PLXNA2: variants seen among roughly 807,000 people sequenced by gnomAD.
The protein encoded by PLXNA2 is plexin A2.
A neutral mutation model predicts 193.5 loss-of-function variants in PLXNA2; 91 were observed. That is an observed-to-expected ratio of 0.47 (90% CI 0.40 to 0.56). The LOEUF is 0.56. PLXNA2 is among the 20% of genes least tolerant of loss of function. The pLI, the probability that PLXNA2 is intolerant of heterozygous loss-of-function variation, is 0.00. For missense variants in PLXNA2, 1,995 were observed against 2,503.2 expected (o/e 0.80, Z 4.33); for synonymous variants, 997 against 1,027.3 (o/e 0.97, Z 0.56).
intron 11 of PLXNA2, among the ~76,000 whole-genome samples, chr1:208,081,943 G>T (rs1298305793): frequency 1.3e-5 from 2 of 152,082 alleles, no homozygotes; most frequent in Admixed American, 6.6e-5. Flanking sequence ...TGAATTCTTT[G>T]CTCCCGATGT....
chr1:208,217,819 A>G lies in PLXNA2; in HGVS notation c.104T>C (p.Met35Thr). 1.2e-6 allele frequency: 2 copies of G among 1,614,130 alleles called. No homozygotes were observed. The highest frequency in any genetic ancestry group is 1.7e-6 in the Non-Finnish European group (2 of 1,180,030). ...WVLLAPPAAG[M>T]PQFSTFHSEN... Reference sequence around the variant, plus strand: ...AGAGTGGAAGGTGCTGAACTGAGGCATGCCGGCTGCTGGGGGGGCCAGCAG... The same window carrying G: ...AGAGTGGAAGGTGCTGAACTGAGGCGTGCCGGCTGCTGGGGGGGCCAGCAG... Residue 35 changes from methionine to threonine, a missense_variant, in exon 2 of 32, where the codon ATG becomes ACG. Met to Thr is a moderately conservative substitution (Grantham distance 81). Transcript: ENST00000367033. The surrounding 1 kb of genome is among the most constrained non-coding windows in gnomAD (Gnocchi z 4.7).
chr1:208,138,663 T>A (rs990259603), intron 4 of PLXNA2, among the ~76,000 whole-genome samples: 2 of 152,210 alleles, frequency 1.3e-5, no homozygotes, highest in Non-Finnish European at 2.9e-5. Flanking sequence ...GGTGGACGGA[T>A]CCCTTGAGCC....
In PLXNA2 at chr1:208,217,317, C is replaced by A. The variant is rs779998663; in HGVS notation, c.606G>T (p.Lys202Asn). 1 of 1,614,132 alleles carries A rather than the reference C, an allele frequency of 6.2e-7. No homozygotes were observed. Among genetic ancestry groups the A allele is most frequent in the South Asian group, 1.1e-5 (1 of 91,072 alleles). The change falls in exon 2 of 32, where the codon AAG (lysine) becomes AAT (asparagine). Residue 202 changes from lysine (K) to asparagine (N), a missense_variant. By Grantham distance (94) the Lys-to-Asn change is moderately conservative. This residue lies in a region of PLXNA2 where 702 missense variants were observed against 812.9 expected (regional missense o/e 0.86). Coordinates refer to ENST00000367033, the MANE Select transcript of PLXNA2 (RefSeq NM_025179.4). The surrounding 1 kb of genome is among the most constrained non-coding windows in gnomAD (Gnocchi z 4.7). Reference sequence around the variant, plus strand: ...CTGAGGACTCAGGGTCTCGGGGCAGCTTCCGGCTGGACAGGGTCGGGAAGT... The same window carrying A: ...CTGAGGACTCAGGGTCTCGGGGCAGATTCCGGCTGGACAGGGTCGGGAAGT... ...QDYFPTLSSRKLPRDPESSAM... is the reference protein window; with the variant it reads ...QDYFPTLSSRNLPRDPESSAM...
intron 3 of PLXNA2, among the ~76,000 whole-genome samples, chr1:208,161,573 C>T (rs1239726551): frequency 1.3e-5 from 2 of 152,158 alleles, no homozygotes; most frequent in African/African-American, 2.4e-5. Flanking sequence ...CCTGAGGGCA[C>T]GGACGAGTGG....
chr1:208,217,863 C>T lies in PLXNA2; in HGVS notation c.60G>A (p.Leu20=), dbSNP rs371657510. The change falls in exon 2 of 32, where the codon CTG becomes CTA. Residue 20 remains leucine (L), a synonymous_variant. Coordinates refer to ENST00000367033, the MANE Select transcript of PLXNA2 (RefSeq NM_025179.4). This position sits in a 1 kb window ranked among gnomAD's most constrained non-coding sequence, Gnocchi z 4.7. ...CCAGCAGCACCCAGACCACTGAGAG[C>T]AGGACCACAGAGCGGCTGTCCACCT... ...ALEVDSRSVV[L]LSVVWVLLAP... 3 of 1,613,450 alleles carry T rather than the reference C, an allele frequency of 1.9e-6. No individual in the cohort carries two copies. The highest frequency in any genetic ancestry group is 1.7e-5 in the Admixed American group (1 of 60,008).
In PLXNA2 at chr1:208,028,890, G is replaced by T. The variant is rs1282953490; in HGVS notation, c.5378C>A (p.Ser1793Tyr). Residue 1793 changes from serine (S) to tyrosine (Y), a missense_variant, in exon 30 of 32, where the codon TCC becomes TAC. Around this residue, in one of 3 missense-constraint regions of PLXNA2, gnomAD observed 1,291 missense variants for 1,673.6 expected, o/e 0.77. Transcript: ENST00000367033. The surrounding 1 kb of genome is among the most constrained non-coding windows in gnomAD (Gnocchi z 4.2). ...STSEHRLGKD[S>Y]PSNKLLYAKD... is the part of the protein sequence containing the mutation. ...GGCATAGAGCAGCTTGTTGGAGGGG[G>T]AGTCCTTGCCCAGCCGGTGCTCTGA... The T allele has an allele frequency of 6.2e-7, 1 of 1,614,196 alleles. No individual in the cohort carries two copies. The highest frequency in any genetic ancestry group is 8.5e-7 in the Non-Finnish European group (1 of 1,180,028).
chr1:208,210,446 T>G lies in PLXNA2; in HGVS notation c.1205A>C (p.Asp402Ala). Residue 402 changes from aspartate to alanine, a missense_variant, in exon 3 of 32, where the codon GAT (aspartate) becomes GCT (alanine). Asp to Ala is a moderately radical substitution (Grantham distance 126). Around this residue, in one of 3 missense-constraint regions of PLXNA2, gnomAD observed 702 missense variants for 812.9 expected, o/e 0.86. Coordinates refer to ENST00000367033, the MANE Select transcript of PLXNA2 (RefSeq NM_025179.4). Reference sequence around the variant, plus strand: ...GTTGATGTCCAGTCCACAGAAGTTATCATCGATGGGGACAGGCTGGAGGGA... The same window carrying G: ...GTTGATGTCCAGTCCACAGAAGTTAGCATCGATGGGGACAGGCTGGAGGGA... ...QCTKAPVPID[D>A]NFCGLDINQP... 3 of 1,612,876 alleles carry G rather than the reference T, an allele frequency of 1.9e-6. No homozygotes were observed. Among genetic ancestry groups the G allele is most frequent in the Non-Finnish European group, 2.5e-6 (3 of 1,179,212 alleles).
At chr1:208,036,505 T>A (rs767422790) in intron 26 of PLXNA2, among the ~76,000 whole-genome samples, 2 of 152,228 alleles carry the variant, frequency 1.3e-5, no homozygotes, top group Non-Finnish European at 2.9e-5. Context: ...TCAGTGGGGA[T>A]AATAATTGCA....
chr1:208,175,022 G>A (rs1345956716), intron 3 of PLXNA2, among the ~76,000 whole-genome samples: 2 of 152,196 alleles, frequency 1.3e-5, no homozygotes, highest in African/African-American at 4.8e-5. Flanking sequence ...ACAGGTGGGA[G>A]CCAGCTGTTG....
At chr1:208,241,550 T>C (rs571509586) in intron 1 of PLXNA2, among the ~76,000 whole-genome samples, 1 of 152,346 alleles carries the variant, frequency 6.6e-6, no homozygotes, top group East Asian at 1.9e-4. Flanking sequence ...CAGCTGGGAT[T>C]TCCTTGGCAG....
intron 1 of PLXNA2, among the ~76,000 whole-genome samples, chr1:208,235,558 C>T (rs533060790): frequency 6.6e-6 from 1 of 152,294 alleles, no homozygotes; most frequent in East Asian, 1.9e-4. Flanking sequence ...TCTGCCAGAG[C>T]GTAACTAACC....
intron 3 of PLXNA2, among the ~76,000 whole-genome samples, chr1:208,189,876 G>C (rs1190455671): frequency 6.6e-6 from 1 of 152,168 alleles, no homozygotes; most frequent in Non-Finnish European, 1.5e-5. Flanking sequence ...AAATCAGCAC[G>C]AGGAGAAGCT....
chr1:208,176,820 C>A (rs1669675153), intron 3 of PLXNA2, among the ~76,000 whole-genome samples: 2 of 152,228 alleles, frequency 1.3e-5, no homozygotes, highest in Non-Finnish European at 2.9e-5. Flanking sequence ...GACAGTGTAG[C>A]CCTAGCCTGC....
chr1:208,178,867 C>T (rs1418550639), intron 3 of PLXNA2, among the ~76,000 whole-genome samples: 1 of 152,238 alleles, frequency 6.6e-6, no homozygotes, highest in Non-Finnish European at 1.5e-5. Context: ...GGGCGTGGGA[C>T]CCAGTGATCT....
At chr1:208,087,748 T>A (rs1666578076) in intron 9 of PLXNA2, among the ~76,000 whole-genome samples, 1 of 152,120 alleles carries the variant, frequency 6.6e-6, no homozygotes, top group Non-Finnish European at 1.5e-5. Flanking sequence ...CTGTGAATCT[T>A]GGGTGGAAAT....
chr1:208,182,574 T>C (rs556383676), intron 3 of PLXNA2, among the ~76,000 whole-genome samples: 4 of 152,110 alleles, frequency 2.6e-5, no homozygotes, highest in Non-Finnish European at 5.9e-5. Flanking sequence ...ACTGCATTCA[T>C]GGAATGGAGC....
intron 3 of PLXNA2, among the ~76,000 whole-genome samples, chr1:208,194,393 C>G (rs897700021): frequency 6.7e-6 from 1 of 148,848 alleles, no homozygotes; most frequent in African/African-American, 2.5e-5. Flanking sequence ...CTGCTGGTGC[C>G]TGAGGCCTGA....
chr1:208,173,566 C>T (rs533106604), intron 3 of PLXNA2, among the ~76,000 whole-genome samples: 42 of 152,332 alleles, frequency 2.8e-4, no homozygotes, highest in African/African-American at 8.4e-4. Flanking sequence ...TGCAGTCCAG[C>T]CCAGCGTTCT....
At chr1:208,132,642 G>C (rs1214076364) in intron 4 of PLXNA2, among the ~76,000 whole-genome samples, 1 of 152,218 alleles carries the variant, frequency 6.6e-6, no homozygotes, top group Non-Finnish European at 1.5e-5. Context: ...GTAGGGCTGA[G>C]AGGCAAGGCA....
Sources: allele counts gnomAD v4.1 joint callset (sites outside exome capture counted in the v4.1 genomes callset), GRCh38; gene constraint gnomAD v4.1.1; regional missense constraint gnomAD v4.1.1; non-coding constraint Gnocchi (gnomAD v3.1); transcripts MANE v1.5; gene names NCBI Gene and HGNC (gene_info 2026-07-23, HGNC 2026-07-21).